Variants in SETD1B observed in about 807,000 individuals in gnomAD.
SETD1B encodes histone-lysine N-methyltransferase SETD1B.
Under a neutral mutation model 148.0 loss-of-function variants are expected in SETD1B, and 7 were observed. That is an observed-to-expected ratio of 0.05 (90% CI 0.03 to 0.09). The LOEUF (loss-of-function observed/expected upper bound fraction) is 0.09, where lower values mean the gene tolerates loss of function less well. Ranked by LOEUF, SETD1B falls within the 10% of genes least tolerant of loss-of-function variation. The pLI is 1.00. For missense variants in SETD1B, 2,155 were observed against 2,729.9 expected (o/e 0.79, Z 4.69); for synonymous variants, 1,361 against 1,186.5 (o/e 1.15, Z -3.02).
chr12:121,815,421 G>A (rs1337289420), intron 7 of SETD1B, among the ~76,000 whole-genome samples: 1 of 149,910 alleles, frequency 6.7e-6, no homozygotes, highest in Non-Finnish European at 1.5e-5. Flanking sequence ...ATTGCAGACA[G>A]CTCACAGCTG....
rs555226614 is a variant in SETD1B at position 121,832,032 on chromosome 12, G to A, written c.*1793G>A. ...GCGGCGAACTTCTCTTCCGTTTGCG[G>A]TTTTCTGCCTAATTGTGCAACTGAG... On this transcript the variant is annotated 3_prime_UTR_variant, in exon 17 of 17. Coordinates refer to ENST00000604567, the MANE Select transcript of SETD1B (RefSeq NM_001353345.2). The A allele has an allele frequency of 6.6e-6, 1 of 152,238 alleles. No individual in the cohort carries two copies. The highest frequency in any genetic ancestry group is 2.4e-5 in the African/African-American group (1 of 41,544). The allele number at this position is 152,238 out of a possible 1,614,324, so 9.4% of individuals were successfully genotyped here. A position where few individuals can be genotyped will look rare whatever the true frequency, so the allele number is the denominator to read the frequency against.
chr12:121,830,244 C>G lies in SETD1B; in HGVS notation c.*5C>G. 6.5e-7 allele frequency: 1 copy of G among 1,548,836 alleles called. No homozygotes were observed. The highest frequency in any genetic ancestry group is 1.2e-5 in the South Asian group (1 of 83,964). ...TGCCGGGGGACCCTCAACTAGGCCC[C>G]GGCACCAGACTCAAAGGATGTCAGC... On this transcript the variant is annotated 3_prime_UTR_variant, in exon 17 of 17. Transcript: ENST00000604567. This position sits in a 1 kb window ranked among gnomAD's most constrained non-coding sequence, Gnocchi z 5.7.
chr12:121,806,566 C>G (rs557598891), intron 4 of SETD1B, among the ~76,000 whole-genome samples: 1 of 152,344 alleles, frequency 6.6e-6, no homozygotes, highest in Admixed American at 6.5e-5. Flanking sequence ...GGTGTCCCCC[C>G]ACCTCCTTGC....
In SETD1B at chr12:121,813,791, C is replaced by T. The variant is rs117340723; in HGVS notation, c.1891-315C>T. 9.1e-4 allele frequency among the ~76,000 whole-genome samples: 138 copies of T among 152,250 alleles called. 2 individuals are homozygous for T. The East Asian group carries it at 0.019, about 21-fold the overall frequency. On this transcript the variant is annotated intron_variant, in intron 6 of 16. Coordinates refer to ENST00000604567, the MANE Select transcript of SETD1B (RefSeq NM_001353345.2). ...TCCTTTTGCCTTTTCCTGCTGGCTC[C>T]GCTCCACAAGAGTAAGATGTTTGCC...
At position 121,809,593 on chromosome 12, in the gene SETD1B, C is replaced by T; in HGVS notation, c.658-10C>T. The T allele has an allele frequency of 6.5e-7, 1 of 1,532,574 alleles. No individual in the cohort carries two copies. Among genetic ancestry groups the T allele is most frequent in the Non-Finnish European group, 8.8e-7 (1 of 1,135,882 alleles). 94.9% of individuals were successfully genotyped at this position (1,532,574 alleles called of 1,614,324 possible). A position where few individuals can be genotyped will look rare whatever the true frequency, so the allele number is the denominator to read the frequency against. On this transcript the variant is annotated splice_polypyrimidine_tract_variant and intron_variant, in intron 5 of 16. Coordinates refer to ENST00000604567, the MANE Select transcript of SETD1B (RefSeq NM_001353345.2). ...TCCCCCAGTGGTCTGACATCTCTGT[C>T]TCTCCTTAGCTGTCAGATGCCCTGA...
chr12:121,801,180 T>G (rs1463731372), upstream of SETD1B: 1 of 152,062 alleles, frequency 6.6e-6, no homozygotes, highest in Non-Finnish European at 1.5e-5. Context: ...GGCTTCGGGG[T>G]GCGGAATCCT....
chr12:121,804,556 C>G lies in SETD1B; in HGVS notation c.-14-168C>G, dbSNP rs1030688783. Among the ~76,000 whole-genome samples the G allele has an allele frequency of 6.6e-6, 1 of 151,402 alleles. No individual in the cohort carries two copies. The highest frequency in any genetic ancestry group is 2.4e-5 in the African/African-American group (1 of 41,250). Reference sequence around the variant, plus strand: ...GCGTAATTCTCCCGGAAGGGTTATTCTCTCGCTCCATTCTTGTTTTGGGGG... The same window carrying G: ...GCGTAATTCTCCCGGAAGGGTTATTGTCTCGCTCCATTCTTGTTTTGGGGG... On this transcript the variant is annotated intron_variant, in intron 1 of 16. Coordinates refer to ENST00000604567, the MANE Select transcript of SETD1B (RefSeq NM_001353345.2). The surrounding 1 kb of genome is among the most constrained non-coding windows in gnomAD (Gnocchi z 4.6).
At chr12:121,795,689 C>CGAGGTTCCCCAG in the SETD1B span, 3 of 152,750 alleles carry the variant, frequency 2.0e-5, no homozygotes. Context: ...GGGCTGGGGC[C>CGAGGTTCCCCAG]GAGGTTCCCC....
rs1400633128 is a variant in SETD1B at position 121,810,260 on chromosome 12, C to A, written c.1315C>A (p.Pro439Thr). The change falls in exon 6 of 17, where the codon CCT (proline) becomes ACT (threonine). Residue 439 changes from proline (P) to threonine (T), a missense_variant. Pro to Thr is a conservative substitution (Grantham distance 38). Coordinates refer to ENST00000604567, the MANE Select transcript of SETD1B (RefSeq NM_001353345.2). The surrounding 1 kb of genome is among the most constrained non-coding windows in gnomAD (Gnocchi z 7.6). Reference sequence around the variant, plus strand: ...GGCACCGGCGCCCCCACCCCTGCCACCTGCTGAGCCTCTGGCCAAGGAGAA... The same window carrying A: ...GGCACCGGCGCCCCCACCCCTGCCAACTGCTGAGCCTCTGGCCAAGGAGAA... ...RRAPAPPPLP[P>T]AEPLAKEKPG... The A allele has an allele frequency of 6.5e-7, 1 of 1,545,466 alleles. No individual in the cohort carries two copies. Among genetic ancestry groups the A allele is most frequent in the Non-Finnish European group, 8.7e-7 (1 of 1,146,772 alleles).
intron 16 of SETD1B, among the ~76,000 whole-genome samples, chr12:121,828,929 G>T (rs919240774): frequency 1.3e-5 from 2 of 152,232 alleles, no homozygotes; most frequent in Admixed American, 1.3e-4. Context: ...TGCCTGGGTG[G>T]TAGGGACTTT....
upstream of SETD1B, chr12:121,799,719 G>GGGGGGGGGGT (rs1875211126): frequency 3.6e-5 from 3 of 83,222 alleles, no homozygotes; most frequent in African/African-American, 1.5e-4. Flanking sequence ...CTCGCAGCTG[G>GGGGGGGGGGT]GGGGGGGGGG....
At chr12:121,791,222 T>C in the SETD1B span, among the ~76,000 whole-genome samples, 1 of 151,942 alleles carries the variant, frequency 6.6e-6, no homozygotes, top group Non-Finnish European at 1.5e-5. Context: ...GCCTCCCGGG[T>C]TCAAACGATT....
Position 121,804,760 on chromosome 12 carries a change from A to G in SETD1B, c.23A>G (p.His8Arg). The change falls in exon 2 of 17, where the codon CAC becomes CGC. Residue 8 changes from histidine (H) to arginine (R), a missense_variant. His to Arg is a conservative substitution (Grantham distance 29). This residue lies in a region of SETD1B where 36 missense variants were observed against 23.5 expected (regional missense o/e 1.53). Transcript: ENST00000604567. This position sits in a 1 kb window ranked among gnomAD's most constrained non-coding sequence, Gnocchi z 4.6. ...GGCATGGAGAACAGTCACCCCCCCCACCACCACCACCAGCAGCCCCCGCCG... is the reference window on the plus strand; with the variant it reads ...GGCATGGAGAACAGTCACCCCCCCCGCCACCACCACCAGCAGCCCCCGCCG... Reference protein sequence around the residue: MENSHPPHHHHQQPPPQP... With the variant: MENSHPPRHHHQQPPPQP... The G allele has an allele frequency of 7.3e-7, 1 of 1,373,998 alleles. No homozygotes were observed. The highest frequency in any genetic ancestry group is 9.8e-7 in the Non-Finnish European group (1 of 1,017,546). 85.1% of individuals were successfully genotyped at this position (1,373,998 alleles called of 1,614,324 possible).
chr12:121,827,589 G>A lies in SETD1B; in HGVS notation c.5408G>A (p.Arg1803His). 1 of 1,550,992 alleles carries A rather than the reference G, an allele frequency of 6.4e-7. No homozygotes were observed. Among genetic ancestry groups the A allele is most frequent in the Non-Finnish European group, 8.7e-7 (1 of 1,146,932 alleles). The change falls in exon 14 of 17, where the codon CGC becomes CAC. Residue 1803 changes from arginine (R) to histidine (H), a missense_variant. This residue lies in a region of SETD1B where 51 missense variants were observed against 162.8 expected (regional missense o/e 0.31). Coordinates refer to ENST00000604567, the MANE Select transcript of SETD1B (RefSeq NM_001353345.2). ...TCGGAGCGGCGTTCGGAGCAGCGCCGCCTGCTGTCCTCCTTCACTGGCAGC... is the reference window on the plus strand; with the variant it reads ...TCGGAGCGGCGTTCGGAGCAGCGCCACCTGCTGTCCTCCTTCACTGGCAGC... ...AGSERRSEQR[R>H]LLSSFTGSCD...
At chr12:121,793,550 G>A in the SETD1B span, 2 of 1,548,062 alleles carry the variant, frequency 1.3e-6, no homozygotes, top group Non-Finnish European at 8.7e-7. Context: ...TGCCGCAGCC[G>A]CCGTCGCCCA....
chr12:121,825,465 A>T, intron 13 of SETD1B, 99 bp downstream of exon 13: 7 of 903,028 alleles, frequency 7.8e-6, no homozygotes, highest in East Asian at 5.9e-5. Context: ...AGGAGTTGTG[A>T]GGCCAGAGGG....
At chr12:121,820,015 A>C in intron 11 of SETD1B, 120 bp downstream of exon 11, 2 of 853,506 alleles carry the variant, frequency 2.3e-6, no homozygotes, top group Non-Finnish European at 3.6e-6. Flanking sequence ...TTTCCCGTGT[A>C]AAACGAGATC....
Position 121,822,487 on chromosome 12 carries a change from C to T in SETD1B, c.3911-3C>T. 1 of 1,538,440 alleles carries T rather than the reference C, an allele frequency of 6.5e-7. No homozygotes were observed. The highest frequency in any genetic ancestry group is 8.8e-7 in the Non-Finnish European group (1 of 1,138,470). On this transcript the variant is annotated splice_region_variant and splice_polypyrimidine_tract_variant and intron_variant, in intron 11 of 16. Coordinates refer to ENST00000604567, the MANE Select transcript of SETD1B (RefSeq NM_001353345.2). Reference sequence around the variant, plus strand: ...TGTCTCGTGTTCGCTCACCTCTCTGCAGAACATGACCTGGAAGTGGAGCCG... The same window carrying T: ...TGTCTCGTGTTCGCTCACCTCTCTGTAGAACATGACCTGGAAGTGGAGCCG...
At chr12:121,811,162 A>G (rs1876015044) in intron 6 of SETD1B, among the ~76,000 whole-genome samples, 1 of 152,122 alleles carries the variant, frequency 6.6e-6, no homozygotes, top group Non-Finnish European at 1.5e-5. Context: ...GCGTTTGCTG[A>G]GAGTTCAGAG....
Sources: allele counts gnomAD v4.1 joint callset (sites outside exome capture counted in the v4.1 genomes callset), GRCh38; gene constraint gnomAD v4.1.1; regional missense constraint gnomAD v4.1.1; non-coding constraint Gnocchi (gnomAD v3.1); transcripts MANE v1.5; gene names NCBI Gene and HGNC (gene_info 2026-07-23, HGNC 2026-07-21).